The following GRM5 variants were observed in gnomAD, a reference collection of about 807,000 sequenced individuals.
The protein encoded by GRM5 is glutamate metabotropic receptor 5, also known as metabotropic glutamate receptor 5.
A neutral mutation model predicts 83.1 loss-of-function variants in GRM5; 19 were observed. The ratio of observed to expected loss-of-function variants is 0.23; its 90% CI spans 0.16 to 0.34. The LOEUF is 0.34. Among genes scored for constraint, GRM5 ranks in the 10% least tolerant of loss-of-function variants. The probability of loss-of-function intolerance (pLI) is 1.00; values close to 1 mark genes in which losing one functional copy is unlikely to be tolerated. For missense variants in GRM5, 1,160 were observed against 1,588.3 expected (o/e 0.73, Z 4.58); for synonymous variants, 675 against 633.6 (o/e 1.07, Z -0.98).
At chr11:88,981,260 AC>A (rs749620542) in intron 2 of GRM5, among the ~76,000 whole-genome samples, 9 of 152,132 alleles carry the variant, frequency 5.9e-5, no homozygotes, top group Non-Finnish European at 7.4e-5. Context: ...GAACCTTTTT[AC>A]CCAAATATTA....
intron 3 of GRM5, among the ~76,000 whole-genome samples, chr11:88,840,667 A>G (rs1163760700): frequency 6.6e-6 from 1 of 152,142 alleles, no homozygotes. Flanking sequence ...CCAGACTTTC[A>G]TGATGTTGTC....
intron 2 of GRM5, among the ~76,000 whole-genome samples, chr11:89,001,197 A>G (rs920336611): frequency 6.6e-6 from 1 of 152,240 alleles, no homozygotes; most frequent in African/African-American, 2.4e-5. Flanking sequence ...CTATCATACA[A>G]TACAGCAATC....
chr11:88,509,112 G>A lies in GRM5; in HGVS notation c.3119C>T (p.Pro1040Leu), dbSNP rs186914768. ...GSASRTDDDV[P>L]SLHSEPVARS... ...CGCCACAGGCTCCGAGTGCAGCGACGGCACATCGTCGTCCGTGCGGCTGGC... is the reference window on the plus strand; with the variant it reads ...CGCCACAGGCTCCGAGTGCAGCGACAGCACATCGTCGTCCGTGCGGCTGGC... The change falls in exon 10 of 10, where the codon CCG (proline) becomes CTG (leucine). Residue 1040 changes from proline (P) to leucine (L), a missense_variant. Pro to Leu is a moderately conservative substitution (Grantham distance 98, BLOSUM62 -3). This residue lies in a region of GRM5 where 562 missense variants were observed against 532.4 expected (regional missense o/e 1.06). Transcript: ENST00000305447. 91 of 1,546,272 alleles carry A rather than the reference G, an allele frequency of 5.9e-5. No individual in the cohort carries two copies. The South Asian group carries it at 8.0e-4, about 14-fold the overall frequency.
intron 1 of GRM5, among the ~76,000 whole-genome samples, chr11:89,048,915 C>T (rs148326647): frequency 1.5e-4 from 23 of 152,280 alleles, no homozygotes; most frequent in Admixed American, 5.9e-4. Context: ...AATGGGGATA[C>T]TATGTGCTAG....
intron 3 of GRM5, among the ~76,000 whole-genome samples, chr11:88,694,457 G>A (rs1232667627): frequency 6.6e-6 from 1 of 152,134 alleles, no homozygotes; most frequent in Non-Finnish European, 1.5e-5. Context: ...TGTAAGTGAT[G>A]TGGTATGAAT....
intron 3 of GRM5, among the ~76,000 whole-genome samples, chr11:88,743,183 G>C (rs1903846): frequency 0.55 from 83,438 of 151,882 alleles, 24,374 homozygotes; most frequent in South Asian, 0.81. Flanking sequence ...TAAGGGAAAA[G>C]GGTGATGGAC....
intron 2 of GRM5, among the ~76,000 whole-genome samples, chr11:88,988,160 C>G (rs922272717): frequency 2.0e-5 from 3 of 151,168 alleles, no homozygotes; most frequent in Admixed American, 1.3e-4. Flanking sequence ...CAGAGAAGTG[C>G]TTAAAGGAGC....
intron 3 of GRM5, among the ~76,000 whole-genome samples, chr11:88,663,200 G>A (rs1297928385): frequency 6.6e-6 from 1 of 152,144 alleles, no homozygotes; most frequent in Non-Finnish European, 1.5e-5. Context: ...TTACAAAGAC[G>A]TGGGGATTAC....
intron 9 of GRM5, among the ~76,000 whole-genome samples, chr11:88,516,721 TGG>T (rs1941529725): frequency 5.2e-5 from 1 of 19,370 alleles, no homozygotes; most frequent in African/African-American, 2.5e-4. Context: ...TTGATTATCC[TGG>T]TTTTTTTTTT....
At chr11:88,679,289 T>C (rs1288514100) in intron 3 of GRM5, among the ~76,000 whole-genome samples, 1 of 152,124 alleles carries the variant, frequency 6.6e-6, no homozygotes, top group East Asian at 1.9e-4. Context: ...GAAGATTATA[T>C]GACTTCTAAA....
chr11:88,665,149 A>G (rs931032679), intron 3 of GRM5, among the ~76,000 whole-genome samples: 4 of 143,734 alleles, frequency 2.8e-5, no homozygotes, highest in Admixed American at 6.9e-5. Flanking sequence ...TAGAAGAGAT[A>G]ATTTAATTTA....
Position 88,845,423 on chromosome 11 carries a change from C to CTTTTTTTTTTTTTTTTTTT in GRM5, c.911+4464_911+4482dup, listed in dbSNP as rs71046265. ...AGGCTACAGTACAGTATAAACATAA[C>CTTTTTTTTTTTTTTTTTTT]TTTTTTTTTTTTTTTTTTTTTTTTT... On this transcript the variant is annotated intron_variant, in intron 3 of 9. Coordinates refer to ENST00000305447, the MANE Select transcript of GRM5 (RefSeq NM_001143831.3). 1.8e-4 allele frequency among the ~76,000 whole-genome samples: 17 copies of CTTTTTTTTTTTTTTTTTTT among 92,444 alleles called. 3 individuals carry two copies. Among genetic ancestry groups the CTTTTTTTTTTTTTTTTTTT allele is most frequent in the Admixed American group, 3.9e-4 (3 of 7,674 alleles). The allele number at this position is 92,444 out of a possible 152,430, so 60.6% of individuals were successfully genotyped here. A position where few individuals can be genotyped will look rare whatever the true frequency, so the allele number is the denominator to read the frequency against.
At position 88,507,395 on chromosome 11, in the gene GRM5, T is replaced by A. The variant is rs906466024; in HGVS notation, c.*1197A>T. On this transcript the variant is annotated 3_prime_UTR_variant, in exon 10 of 10. Transcript: ENST00000305447. ...TTTAAGCAGCCAAGAATAGTTAAAATCACTGCTCACTGGCATAGCTAAATC... is the reference window on the plus strand; with the variant it reads ...TTTAAGCAGCCAAGAATAGTTAAAAACACTGCTCACTGGCATAGCTAAATC... 1 of 152,204 alleles carries A rather than the reference T, an allele frequency of 6.6e-6. No homozygotes were observed. Among genetic ancestry groups the A allele is most frequent in the Non-Finnish European group, 1.5e-5 (1 of 68,024 alleles). 9.4% of individuals were successfully genotyped at this position (152,204 alleles called of 1,614,324 possible).
chr11:88,805,651 TTCTAA>T (rs1037610746), intron 3 of GRM5, among the ~76,000 whole-genome samples: 4 of 152,224 alleles, frequency 2.6e-5, no homozygotes, highest in African/African-American at 4.8e-5. Flanking sequence ...ATCTTCACTC[TTCTAA>T]TCAAGCATTC....
intron 1 of GRM5, among the ~76,000 whole-genome samples, chr11:89,059,964 G>A (rs1941955918): frequency 6.6e-6 from 1 of 151,948 alleles, no homozygotes; most frequent in African/African-American, 2.4e-5. Context: ...TGAAAATAGT[G>A]AAACTAAGGT....
chr11:88,567,913 G>C lies in GRM5; in HGVS notation c.1770C>G (p.Gly590=). Residue 590 remains glycine (G), a synonymous_variant, in exon 8 of 10, where the codon GGC becomes GGG. Transcript: ENST00000305447. This position sits in a 1 kb window ranked among gnomAD's most constrained non-coding sequence, Gnocchi z 7.3. ...PIAAVVFACL[G]LLATLFVTVV... ...CAGTAACAAACAGGGTGGCCAGGAG[G>C]CCAAGGCAGGCAAACACCACAGCTG... 1 of 1,613,932 alleles carries C rather than the reference G, an allele frequency of 6.2e-7. No individual in the cohort carries two copies. The highest frequency in any genetic ancestry group is 1.1e-5 in the South Asian group (1 of 91,080).
rs1403683515 is a variant in GRM5, at chr11:88,525,549, TG to T, written c.2631-146del. On this transcript the variant is annotated intron_variant, in intron 8 of 9. Coordinates refer to ENST00000305447, the MANE Select transcript of GRM5 (RefSeq NM_001143831.3). ...GCTTCTCAATGCAATGACCAACCTG[TG>T]ATACTTATTAGATGAATGTGATGGC... is the stretch of plus-strand genomic sequence containing the variant. 4 of 650,824 alleles carry T rather than the reference TG, an allele frequency of 6.1e-6. No individual in the cohort carries two copies. The African/African-American group carries it at 7.2e-5, about 12-fold the overall frequency. 40.3% of individuals were successfully genotyped at this position (650,824 alleles called of 1,614,324 possible).
chr11:88,988,507 G>C (rs1450495262), intron 2 of GRM5, among the ~76,000 whole-genome samples: 1 of 152,008 alleles, frequency 6.6e-6, no homozygotes, highest in South Asian at 2.1e-4. Flanking sequence ...GAAATACAGA[G>C]AACGCCACAA....
chr11:89,063,480 C>G (rs1942039206), intron 1 of GRM5: 1 of 152,480 alleles, frequency 6.6e-6, no homozygotes, highest in African/African-American at 2.4e-5. Context: ...AGCAAGCTTA[C>G]CCCCCTGTTG....
Sources: gnomAD v4.1 joint callset for allele counts (sites outside exome capture counted in the v4.1 genomes callset) on GRCh38, gnomAD v4.1.1 for gene constraint, gnomAD v4.1.1 regional missense constraint, Gnocchi (gnomAD v3.1) non-coding constraint, MANE v1.5 for transcripts, NCBI Gene and HGNC (gene_info 2026-07-23, HGNC 2026-07-21) for gene names.